STKLD1: variants seen among roughly 807,000 people sequenced by gnomAD.
STKLD1 encodes the protein serine/threonine kinase like domain containing 1.
STKLD1 carries 79 observed loss-of-function variants against 80.4 expected under a neutral mutation model. That is an observed-to-expected ratio of 0.98 (90% confidence interval 0.82 to 1.19). STKLD1 has a LOEUF of 1.19. Ranked by LOEUF, STKLD1 falls within the 50% of genes most tolerant of loss-of-function variation. The pLI is 0.00. For missense variants in STKLD1, 841 were observed against 856.0 expected (o/e 0.98, Z 0.22); for synonymous variants, 393 against 357.6 (o/e 1.10, Z -1.12).
At chr9:133,392,538 G>A (rs1838424675) in intron 7 of STKLD1, among the ~76,000 whole-genome samples, 1 of 149,006 alleles carries the variant, frequency 6.7e-6, no homozygotes, top group African/African-American at 2.5e-5. Flanking sequence ...TGGGTGAGTG[G>A]ATGGATGGAT....
rs2130285424 is a variant in STKLD1 at position 133,389,913 on chromosome 9, T to C, written c.467+317T>C. 6.6e-6 allele frequency among the ~76,000 whole-genome samples: 1 copy of C among 152,216 alleles called. No homozygotes were observed. Among genetic ancestry groups the C allele is most frequent in the Non-Finnish European group, 1.5e-5 (1 of 68,032 alleles). ...ACCGGGTTGCCTGCCGTGGGGCCAG[T>C]GTGGGCTGAGTGGGCCCTGCTGAGC... On this transcript the variant is annotated intron_variant, in intron 6 of 17. Coordinates refer to ENST00000371957, the MANE Select transcript of STKLD1 (RefSeq NM_153710.5). This position sits in a 1 kb window ranked among gnomAD's most constrained non-coding sequence, Gnocchi z 6.4.
chr9:133,398,450 A>AGG (rs1838616849), intron 11 of STKLD1, among the ~76,000 whole-genome samples: 1 of 152,182 alleles, frequency 6.6e-6, no homozygotes, highest in Non-Finnish European at 1.5e-5. Flanking sequence ...GAGTGTGAAT[A>AGG]CTTTAACTTT....
At position 133,387,307 on chromosome 9, in the gene STKLD1, G is replaced by T. The variant is rs111641026; in HGVS notation, c.295-140G>T. The T allele has an allele frequency of 3.2e-5, 20 of 626,972 alleles. 1 individual carries two copies. The highest frequency in any genetic ancestry group is 4.4e-4 in the Middle Eastern group (1 of 2,288). The allele number at this position is 626,972 out of a possible 1,614,324, so 38.8% of individuals were successfully genotyped here. A position where few individuals can be genotyped will look rare whatever the true frequency, so the allele number is the denominator to read the frequency against. Reference sequence around the variant, plus strand: ...GGAAGCTGAAGGTGGGGCAGGAGGGGCTTGTAGCCCCCTCCAGTGGGCAGT... The same window carrying T: ...GGAAGCTGAAGGTGGGGCAGGAGGGTCTTGTAGCCCCCTCCAGTGGGCAGT... On this transcript the variant is annotated intron_variant, in intron 4 of 17. Transcript: ENST00000371957.
In STKLD1 at chr9:133,389,349, A is replaced by G. The variant is rs1002686483; in HGVS notation, c.397-177A>G. ...TTCTGGCTGCCGCCGCGGCTTTACC[A>G]TCTGGAGAGCCACCACGCTGAAGCC... On this transcript the variant is annotated intron_variant, in intron 5 of 17. Coordinates refer to ENST00000371957, the MANE Select transcript of STKLD1 (RefSeq NM_153710.5). This position sits in a 1 kb window ranked among gnomAD's most constrained non-coding sequence, Gnocchi z 6.4. The G allele has an allele frequency of 2.0e-6, 2 of 985,262 alleles. No homozygotes were observed. The allele number at this position is 985,262 out of a possible 1,614,324, so 61.0% of individuals were successfully genotyped here. A position where few individuals can be genotyped will look rare whatever the true frequency, so the allele number is the denominator to read the frequency against.
In STKLD1 at chr9:133,376,401, C is replaced by T; in HGVS notation, c.-73C>T. ...AGGGCGCCGTTCGGGCGGGGAGGAT[C>T]CCGCGGGTCCCACTGACCCACGCGG... On this transcript the variant is annotated 5_prime_UTR_variant, in exon 1 of 18. Transcript: ENST00000371957. The T allele has an allele frequency of 6.9e-7, 1 of 1,456,350 alleles. No individual in the cohort carries two copies. The highest frequency in any genetic ancestry group is 9.1e-7 in the Non-Finnish European group (1 of 1,102,374). 90.2% of individuals were successfully genotyped at this position (1,456,350 alleles called of 1,614,324 possible). A position where few individuals can be genotyped will look rare whatever the true frequency, so the allele number is the denominator to read the frequency against.
intron 3 of STKLD1, 26 bp downstream of exon 3, chr9:133,383,926 T>C (rs2130271565): frequency 6.2e-7 from 1 of 1,611,128 alleles, no homozygotes; most frequent in Non-Finnish European, 8.5e-7. Flanking sequence ...GTTTTCCCTC[T>C]GGAAGAGCTC....
chr9:133,386,158 A>G (rs1838261038), intron 4 of STKLD1, among the ~76,000 whole-genome samples: 2 of 152,234 alleles, frequency 1.3e-5, no homozygotes, highest in South Asian at 4.1e-4. Context: ...ACCTTAAGTG[A>G]TCCGCCCGCC....
chr9:133,400,073 CA>C (rs1250122446), intron 11 of STKLD1, among the ~76,000 whole-genome samples: 1 of 152,158 alleles, frequency 6.6e-6, no homozygotes, highest in African/African-American at 2.4e-5. Context: ...TGTCCACCCT[CA>C]GGGCAGTTGC....
rs782762190 is a variant in STKLD1, at chr9:133,400,368, G to A, written c.1082-45G>A. 1.1e-5 allele frequency: 17 copies of A among 1,501,120 alleles called. No homozygotes were observed. In the East Asian group the frequency reaches 2.0e-4, roughly 18 times the overall value. The allele number at this position is 1,501,120 out of a possible 1,614,324, so 93.0% of individuals were successfully genotyped here. A position where few individuals can be genotyped will look rare whatever the true frequency, so the allele number is the denominator to read the frequency against. The stretch of plus-strand genomic sequence containing the variant: ...GCCCTGGTCGGGTCTATATGCCCCC[G>A]ATCTGGCCCAAAATGAGTCTCCCCT... On this transcript the variant is annotated intron_variant, in intron 11 of 17. Coordinates refer to ENST00000371957, the MANE Select transcript of STKLD1 (RefSeq NM_153710.5).
At chr9:133,383,411 A>G (rs1041436332) in intron 2 of STKLD1, among the ~76,000 whole-genome samples, 1 of 28,370 alleles carries the variant, frequency 3.5e-5, no homozygotes, top group Non-Finnish European at 8.6e-5. Context: ...ATATATGATG[A>G]TGATGGTAAT....
chr9:133,378,266 C>T (rs1838049887), intron 1 of STKLD1, among the ~76,000 whole-genome samples: 1 of 152,206 alleles, frequency 6.6e-6, no homozygotes, highest in African/African-American at 2.4e-5. Flanking sequence ...CCGAGAGTCC[C>T]TAGGCTCAGG....
In STKLD1 at chr9:133,403,722, C is replaced by T. The variant is rs914823536; in HGVS notation, c.1497C>T (p.Pro499=). 3 of 1,613,644 alleles carry T rather than the reference C, an allele frequency of 1.9e-6. No homozygotes were observed. The African/African-American group carries it at 4.0e-5, about 22-fold the overall frequency. The change falls in exon 15 of 18, where the codon CCC becomes CCT. Residue 499 remains proline, a synonymous_variant. Coordinates refer to ENST00000371957, the MANE Select transcript of STKLD1 (RefSeq NM_153710.5). ...LLDGIIVNKA[P]LEKVPDLISQ... ...CAGGTATCATTGTGAACAAGGCCCCCTTGGAGAAGGTCCCGGACCTCATCA... is the reference window on the plus strand; with the variant it reads ...CAGGTATCATTGTGAACAAGGCCCCTTTGGAGAAGGTCCCGGACCTCATCA...
chr9:133,401,143 C>CCTTTTT lies in STKLD1; in HGVS notation c.1199-595_1199-594insCTTTTT, dbSNP rs1390295887. Among the ~76,000 whole-genome samples the CCTTTTT allele has an allele frequency of 1.7e-4, 24 of 138,010 alleles. 1 individual carries two copies. Among genetic ancestry groups the CCTTTTT allele is most frequent in the African/African-American group, 6.5e-4 (24 of 36,648 alleles). 90.5% of individuals were successfully genotyped at this position (138,010 alleles called of 152,430 possible). On this transcript the variant is annotated intron_variant, in intron 12 of 17. Coordinates refer to ENST00000371957, the MANE Select transcript of STKLD1 (RefSeq NM_153710.5). ...TTTTGAAACAAAAAGTATTTAGTTA[C>CCTTTTT]TTTTTTTTTTTTTTTTGAGATGGAG...
At chr9:133,403,222 G>A (rs1414653424) in intron 14 of STKLD1, among the ~76,000 whole-genome samples, 1 of 152,254 alleles carries the variant, frequency 6.6e-6, no homozygotes, top group Non-Finnish European at 1.5e-5. Flanking sequence ...AAGGCCTTCT[G>A]GCAGAGGCCG....
chr9:133,404,709 G>A (rs946573593), intron 16 of STKLD1, 80 bp from the exon 17 acceptor site: 8 of 1,541,008 alleles, frequency 5.2e-6, no homozygotes, highest in Admixed American at 2.1e-5. Flanking sequence ...TGAGCTCTGG[G>A]GTCCCATCCC....
Position 133,390,970 on chromosome 9 carries a change from G to A in STKLD1, c.583+174G>A, listed in dbSNP as rs2130287864. ...AAGAGACCTCCTTTGGGTTGCAACT[G>A]AGCAGGCGTGCCACCACCAGGGCAG... On this transcript the variant is annotated intron_variant, in intron 7 of 17. Transcript: ENST00000371957. The surrounding 1 kb of genome is among the most constrained non-coding windows in gnomAD (Gnocchi z 5.1). 6.6e-5 allele frequency among the ~76,000 whole-genome samples: 10 copies of A among 150,548 alleles called. No individual in the cohort carries two copies. The South Asian group carries it at 2.1e-3, about 31-fold the overall frequency.
intron 2 of STKLD1, among the ~76,000 whole-genome samples, chr9:133,382,930 T>G (rs1455361585): frequency 2.7e-5 from 4 of 146,772 alleles, no homozygotes; most frequent in Non-Finnish European, 6.0e-5. Flanking sequence ...GGGATAATAG[T>G]GGTGGTGGTG....
intron 2 of STKLD1, among the ~76,000 whole-genome samples, chr9:133,381,554 G>T (rs1321530928): frequency 6.6e-6 from 1 of 150,450 alleles, no homozygotes; most frequent in Non-Finnish European, 1.5e-5. Flanking sequence ...AGGTTCAAGT[G>T]ATTCTCCTGC....
chr9:133,401,651 C>T, intron 12 of STKLD1, 87 bp from the exon 13 acceptor site: 2 of 1,460,532 alleles, frequency 1.4e-6, no homozygotes, highest in Non-Finnish European at 9.1e-7. Context: ...AGTGGAGATG[C>T]TATCCCCCAG....
Sources: allele counts gnomAD v4.1 joint callset (sites outside exome capture counted in the v4.1 genomes callset), GRCh38; gene constraint gnomAD v4.1.1; non-coding constraint Gnocchi (gnomAD v3.1); transcripts MANE v1.5; gene names NCBI Gene and HGNC (gene_info 2026-07-23, HGNC 2026-07-21).